The following KLF12 variants were observed in gnomAD, a reference collection of about 807,000 sequenced individuals.
KLF12 encodes Krueppel-like factor 12.
In KLF12, 9 loss-of-function variants were observed where a neutral mutation model predicts 37.8. That is an observed-to-expected ratio of 0.24 (90% CI 0.14 to 0.42). The LOEUF is 0.42. Among genes scored for constraint, KLF12 ranks in the 10% least tolerant of loss-of-function variants. The pLI, the probability that KLF12 is intolerant of heterozygous loss-of-function variation, is 1.00. For synonymous variants in KLF12, 208 were observed against 202.1 expected (o/e 1.03, Z -0.25); for missense variants, 411 against 516.0 (o/e 0.80, Z 1.97).
At chr13:74,078,261 T>C (rs774155188) in intron 1 of KLF12, among the ~76,000 whole-genome samples, 6 of 152,206 alleles carry the variant, frequency 3.9e-5, no homozygotes, top group Non-Finnish European at 8.8e-5. Flanking sequence ...TTTTTACAAT[T>C]AGTCTCCTCT....
chr13:74,084,552 T>C (rs7332510), intron 1 of KLF12, among the ~76,000 whole-genome samples: 29,378 of 152,178 alleles, frequency 0.19, 3,002 homozygotes, highest in African/African-American at 0.27. Flanking sequence ...TAGAATGTAT[T>C]GAGTAGTTTG....
At chr13:74,174,748 A>G in the KLF12 span, among the ~76,000 whole-genome samples, 29 of 152,176 alleles carry the variant, frequency 1.9e-4, no homozygotes, top group African/African-American at 6.7e-4. Context: ...CACCTCTTCC[A>G]TTTACGCATT....
At chr13:74,074,847 A>C (rs868404776) in intron 1 of KLF12, among the ~76,000 whole-genome samples, 35 of 152,202 alleles carry the variant, frequency 2.3e-4, no homozygotes, top group African/African-American at 8.0e-4. Context: ...AAAGACAGAC[A>C]AATGAGGAAG....
At chr13:73,889,853 C>T (rs17286391) in intron 3 of KLF12, among the ~76,000 whole-genome samples, 3 of 151,990 alleles carry the variant, frequency 2.0e-5, no homozygotes, top group Admixed American at 6.6e-5. Flanking sequence ...TATAACCATG[C>T]TTTTCCAAAC....
In KLF12 at chr13:73,782,905, T is replaced by C. The variant is rs974804493; in HGVS notation, c.807-17905A>G. 2.6e-5 allele frequency among the ~76,000 whole-genome samples: 4 copies of C among 152,176 alleles called. No homozygotes were observed. The South Asian group carries it at 8.3e-4, about 32-fold the overall frequency. On this transcript the variant is annotated intron_variant, in intron 5 of 7. Coordinates refer to ENST00000377669, the MANE Select transcript of KLF12 (RefSeq NM_007249.5). ...GTTTACAAAGTGTCATCAATCTGAA[T>C]GGGGAAAAACAGGACAGGCAGTTGG... is the stretch of plus-strand genomic sequence containing the variant.
intron 5 of KLF12, among the ~76,000 whole-genome samples, chr13:73,799,427 T>C (rs796169802): frequency 1.3e-5 from 2 of 151,718 alleles, no homozygotes; most frequent in Admixed American, 6.6e-5. Flanking sequence ...AATGAAAAAA[T>C]ATATATATAT....
intron 4 of KLF12, among the ~76,000 whole-genome samples, chr13:73,842,937 C>T (rs916419813): frequency 3.9e-5 from 6 of 152,056 alleles, no homozygotes; most frequent in Non-Finnish European, 8.8e-5. Flanking sequence ...TTACTATTAC[C>T]TAATTAATCA....
chr13:74,033,130 T>C (rs1314568211), intron 1 of KLF12, among the ~76,000 whole-genome samples: 5 of 152,194 alleles, frequency 3.3e-5, no homozygotes, highest in Non-Finnish European at 7.3e-5. Context: ...CTGCCCTTCT[T>C]ATATAATAAA....
chr13:74,156,201 C>T, the KLF12 span, among the ~76,000 whole-genome samples: 3 of 152,316 alleles, frequency 2.0e-5, no homozygotes, highest in South Asian at 4.1e-4. Context: ...ATTTATACTG[C>T]GATCTCTCTT....
intron 1 of KLF12, among the ~76,000 whole-genome samples, chr13:74,071,767 T>A (rs1874265763): frequency 1.3e-5 from 2 of 152,076 alleles, no homozygotes; most frequent in African/African-American, 4.8e-5. Flanking sequence ...CTTAAAGAAA[T>A]TAAGATACGA....
chr13:73,734,211 G>A (rs1877275622), intron 6 of KLF12, among the ~76,000 whole-genome samples: 1 of 152,086 alleles, frequency 6.6e-6, no homozygotes, highest in Non-Finnish European at 1.5e-5. Flanking sequence ...ATCTGAAGAT[G>A]TTCTTCAGAG....
intron 1 of KLF12, among the ~76,000 whole-genome samples, chr13:74,122,864 G>A (rs1172660505): frequency 1.3e-5 from 2 of 149,020 alleles, no homozygotes; most frequent in Admixed American, 6.8e-5. Context: ...AAATATAAAA[G>A]GACACATAAT....
chr13:74,081,186 G>A (rs1037521258), intron 1 of KLF12, among the ~76,000 whole-genome samples: 5 of 152,126 alleles, frequency 3.3e-5, no homozygotes, highest in African/African-American at 1.2e-4. Flanking sequence ...TAACTGCCAG[G>A]TGATCTTAAG....
intron 6 of KLF12, among the ~76,000 whole-genome samples, chr13:73,723,054 CAGCA>C (rs1876388712): frequency 2.0e-5 from 3 of 152,098 alleles, no homozygotes; most frequent in African/African-American, 7.2e-5. Flanking sequence ...CAACATATTT[CAGCA>C]AGCAAGATCA....
chr13:73,755,621 T>C (rs755201367), intron 6 of KLF12, among the ~76,000 whole-genome samples: 7 of 148,652 alleles, frequency 4.7e-5, no homozygotes, highest in Admixed American at 6.7e-5. Context: ...CTTTCTCTCT[T>C]TTTTTTTTTA....
At chr13:73,722,453 T>C (rs1202813453) in intron 6 of KLF12, among the ~76,000 whole-genome samples, 1 of 152,178 alleles carries the variant, frequency 6.6e-6, no homozygotes, top group Non-Finnish European at 1.5e-5. Flanking sequence ...GTCTCTCCTA[T>C]GATATTAATT....
intron 1 of KLF12, among the ~76,000 whole-genome samples, chr13:74,075,501 G>A (rs1211831989): frequency 6.6e-6 from 1 of 152,192 alleles, no homozygotes; most frequent in Non-Finnish European, 1.5e-5. Flanking sequence ...AATCTCTGGG[G>A]AGTAGGTAAA....
intron 1 of KLF12, among the ~76,000 whole-genome samples, chr13:74,020,620 G>A (rs1000773348): frequency 2.0e-5 from 3 of 152,166 alleles, no homozygotes; most frequent in Non-Finnish European, 2.9e-5. Flanking sequence ...GCTGGGCGCA[G>A]TGGCTCACGT....
At chr13:74,256,197 C>T in the KLF12 span, among the ~76,000 whole-genome samples, 1 of 151,306 alleles carries the variant, frequency 6.6e-6, no homozygotes, top group Non-Finnish European at 1.5e-5. Flanking sequence ...TGCTTCAAGG[C>T]TAAGACATAC....
Sources: allele counts gnomAD v4.1 joint callset (sites outside exome capture counted in the v4.1 genomes callset), GRCh38; gene constraint gnomAD v4.1.1; transcripts MANE v1.5; gene names NCBI Gene and HGNC (gene_info 2026-07-23, HGNC 2026-07-21).